The following PRR12 variants were observed in gnomAD, a reference collection of about 807,000 sequenced individuals.
The protein encoded by PRR12 is proline-rich protein 12.
In PRR12, 12 loss-of-function variants were observed where a neutral mutation model predicts 138.0. That is an observed-to-expected ratio of 0.09 (90% CI 0.06 to 0.14). The LOEUF (loss-of-function observed/expected upper bound fraction) is 0.14. PRR12 is among the 10% of genes least tolerant of loss of function. The pLI is 1.00. For missense variants in PRR12, 2,692 were observed against 2,861.3 expected (o/e 0.94, Z 1.35); for synonymous variants, 1,567 against 1,291.7 (o/e 1.21, Z -4.57).
At position 49,599,498 on chromosome 19, in the gene PRR12, G is replaced by T; in HGVS notation, c.3905G>T (p.Gly1302Val). The change falls in exon 5 of 14, where the codon GGC (glycine) becomes GTC (valine). Residue 1302 changes from glycine (G) to valine (V), a missense_variant. Coordinates refer to ENST00000418929, the MANE Select transcript of PRR12 (RefSeq NM_020719.3). This position sits in a 1 kb window ranked among gnomAD's most constrained non-coding sequence, Gnocchi z 5.0. ...GKRHPPLYQA[G>V]LTPPLSPPKS... is the part of the protein sequence containing the mutation. ...CGCCACCCACCACTCTACCAGGCGGGCCTGACGCCTCCGCTCAGCCCTCCC... is the reference window on the plus strand; with the variant it reads ...CGCCACCCACCACTCTACCAGGCGGTCCTGACGCCTCCGCTCAGCCCTCCC... The T allele has an allele frequency of 6.3e-7, 1 of 1,599,508 alleles. No individual in the cohort carries two copies. Among genetic ancestry groups the T allele is most frequent in the Non-Finnish European group, 8.5e-7 (1 of 1,173,732 alleles).
In PRR12 at chr19:49,601,900, G is replaced by A; in HGVS notation, c.4755G>A (p.Glu1585=). The A allele has an allele frequency of 1.2e-6, 2 of 1,612,004 alleles. No homozygotes were observed. The highest frequency in any genetic ancestry group is 8.5e-7 in the Non-Finnish European group (1 of 1,179,786). Residue 1585 remains glutamate (E), a synonymous_variant, in exon 6 of 14, where the codon GAG becomes GAA. Coordinates refer to ENST00000418929, the MANE Select transcript of PRR12 (RefSeq NM_020719.3). ...GGGACGAGTTCGTCATCCGTGCTGA[G>A]GACATCCCTTCCCTCAAGGTGAGTC... The part of the protein sequence containing the change: ...RERDEFVIRA[E]DIPSLKLALQ...
At chr19:49,620,227 G>T (rs1386203987) in intron 9 of PRR12, 125 bp from the exon 10 acceptor site, 18 of 1,304,190 alleles carry the variant, frequency 1.4e-5, no homozygotes, top group Admixed American at 8.5e-5. Flanking sequence ...ATCTTCCCTA[G>T]CGGACTTGGA....
At position 49,595,410 on chromosome 19, in the gene PRR12, T is replaced by A. The variant is rs1343951561; in HGVS notation, c.1075T>A (p.Ser359Thr). The A allele has an allele frequency of 6.5e-7, 1 of 1,544,332 alleles. No individual in the cohort carries two copies. The highest frequency in any genetic ancestry group is 2.0e-5 in the Admixed American group (1 of 50,656). Residue 359 changes from serine (S) to threonine (T), a missense_variant, in exon 4 of 14, where the codon TCT becomes ACT. Coordinates refer to ENST00000418929, the MANE Select transcript of PRR12 (RefSeq NM_020719.3). ...AGPSGATAGA[S>T]GRATGPEAAG... ...TCCCAGCGGAGCCACGGCTGGGGCA[T>A]CTGGCCGGGCCACGGGCCCTGAGGC... is the stretch of plus-strand genomic sequence containing the variant.
intron 11 of PRR12, among the ~76,000 whole-genome samples, chr19:49,624,548 G>A (rs111921494): frequency 1.8e-4 from 25 of 140,294 alleles, no homozygotes; most frequent in South Asian, 2.5e-4. Flanking sequence ...GATGGGGCTG[G>A]GAATTCTGGG....
Position 49,625,520 on chromosome 19 carries a change from C to T in PRR12, c.6024C>T (p.Cys2008=), listed in dbSNP as rs1304512587. Residue 2008 remains cysteine, a synonymous_variant, in exon 14 of 14, where the codon TGC becomes TGT. Coordinates refer to ENST00000418929, the MANE Select transcript of PRR12 (RefSeq NM_020719.3). The surrounding 1 kb of genome is among the most constrained non-coding windows in gnomAD (Gnocchi z 5.5). The part of the protein sequence containing the change: ...DLGQEEVVQQ[C]MRNQPWLEQL... ...GCCAGGAGGAGGTGGTCCAGCAGTG[C>T]ATGCGGAACCAGCCGTGGCTGGAAC... is the stretch of plus-strand genomic sequence containing the variant. 1.2e-6 allele frequency: 2 copies of T among 1,611,964 alleles called. No homozygotes were observed. The highest frequency in any genetic ancestry group is 3.3e-5 in the Admixed American group (2 of 59,850).
chr19:49,597,299 T>A lies in PRR12; in HGVS notation c.2964T>A (p.Asp988Glu). The A allele has an allele frequency of 6.4e-7, 1 of 1,559,866 alleles. No homozygotes were observed. The highest frequency in any genetic ancestry group is 8.7e-7 in the Non-Finnish European group (1 of 1,154,962). Residue 988 changes from aspartate to glutamate, a missense_variant, in exon 4 of 14, where the codon GAT (aspartate) becomes GAA (glutamate). By Grantham distance (45) the Asp-to-Glu change is conservative. Around this residue, in one of 11 missense-constraint regions of PRR12, gnomAD observed 840 missense variants for 689.8 expected, o/e 1.22. Transcript: ENST00000418929. The surrounding 1 kb of genome is among the most constrained non-coding windows in gnomAD (Gnocchi z 6.3). ...CACCCCCCGGCCCCCCTGCTTATGA[T>A]CCCTATGGGCCCTACTGTCCTGGCC... is the stretch of plus-strand genomic sequence containing the variant. ...AGPPPGPPAY[D>E]PYGPYCPGRA... is the part of the protein sequence containing the mutation.
chr19:49,601,526 C>G lies in PRR12; in HGVS notation c.4381C>G (p.Pro1461Ala), dbSNP rs1313208456. 2.6e-6 allele frequency: 4 copies of G among 1,535,436 alleles called. No homozygotes were observed. Among genetic ancestry groups the G allele is most frequent in the Non-Finnish European group, 3.5e-6 (4 of 1,135,084 alleles). The change falls in exon 6 of 14, where the codon CCA (proline) becomes GCA (alanine). Residue 1461 changes from proline to alanine, a missense_variant. By Grantham distance (27) the Pro-to-Ala change is conservative (BLOSUM62 -1). This residue lies in a region of PRR12 where 231 missense variants were observed against 200.8 expected (regional missense o/e 1.15). Coordinates refer to ENST00000418929, the MANE Select transcript of PRR12 (RefSeq NM_020719.3). ...GCTGGAGGAGAAACCCCCACCCACT[C>G]CACCTCCTGCCCCGACTCCTCAGCC... ...PLLEEKPPPT[P>A]PPAPTPQPQP...
chr19:49,621,810 TG>T (rs2080924993), intron 11 of PRR12, 188 bp downstream of exon 11: 1 of 589,452 alleles, frequency 1.7e-6, no homozygotes. Flanking sequence ...GAAGCCCATG[TG>T]GGGAGGAGCT....
rs779315499 is a variant in PRR12, at chr19:49,596,645, G to A, written c.2310G>A (p.Thr770=). 257 of 1,595,416 alleles carry A rather than the reference G, an allele frequency of 1.6e-4. No individual in the cohort carries two copies. Among genetic ancestry groups the A allele is most frequent in the Non-Finnish European group, 2.2e-4 (254 of 1,172,428 alleles). ...LQKSPPPPPP[T]AQSTQPTPHG... ...AGAGCCCTCCGCCCCCACCTCCCAC[G>A]GCCCAGTCTACCCAGCCCACTCCCC... The change falls in exon 4 of 14, where the codon ACG becomes ACA. Residue 770 remains threonine, a synonymous_variant. Transcript: ENST00000418929. The surrounding 1 kb of genome is among the most constrained non-coding windows in gnomAD (Gnocchi z 5.6).
chr19:49,600,799 A>C (rs1350176174), intron 5 of PRR12, among the ~76,000 whole-genome samples: 1 of 151,734 alleles, frequency 6.6e-6, no homozygotes, highest in Non-Finnish European at 1.5e-5. Flanking sequence ...CCTTCCGCTC[A>C]CCGCAACCTC....
Position 49,595,193 on chromosome 19 carries a change from C to G in PRR12, c.858C>G (p.Asp286Glu), listed in dbSNP as rs1321743959. 6.2e-7 allele frequency: 1 copy of G among 1,604,014 alleles called. No individual in the cohort carries two copies. Among genetic ancestry groups the G allele is most frequent in the South Asian group, 1.1e-5 (1 of 89,928 alleles). Residue 286 changes from aspartate to glutamate, a missense_variant, in exon 4 of 14, where the codon GAC (aspartate) becomes GAG (glutamate). Physicochemically the swap from Asp to Glu is conservative, Grantham distance 45. Around this residue, in one of 11 missense-constraint regions of PRR12, gnomAD observed 523 missense variants for 496.4 expected, o/e 1.05. Coordinates refer to ENST00000418929, the MANE Select transcript of PRR12 (RefSeq NM_020719.3). The stretch of plus-strand genomic sequence containing the variant: ...CTGAGCGGGCCCTGCCACGCCAGGA[C>G]ACGGTCATCAAGCACTACCAGCGGC... ...PPPERALPRQDTVIKHYQRPA... is the reference protein window; with the variant it reads ...PPPERALPRQETVIKHYQRPA...
At chr19:49,624,280 G>C (rs1370473675) in intron 11 of PRR12, among the ~76,000 whole-genome samples, 2 of 145,370 alleles carry the variant, frequency 1.4e-5, no homozygotes, top group African/African-American at 5.3e-5. Flanking sequence ...TTAGGATGGG[G>C]CTGAGAATTC....
rs748212159 is a variant in PRR12, at chr19:49,595,707, G to A, written c.1372G>A (p.Gly458Arg). Residue 458 changes from glycine to arginine, a missense_variant, in exon 4 of 14, where the codon GGG becomes AGG. Gly to Arg is a moderately radical substitution (Grantham distance 125, BLOSUM62 -2). Coordinates refer to ENST00000418929, the MANE Select transcript of PRR12 (RefSeq NM_020719.3). ...PQGLLGPQAY[G>R]QGFGGGQAQD... ...AGGGCTTCTGGGACCCCAGGCCTAC[G>A]GGCAAGGGTTTGGAGGGGGGCAGGC... 18 of 1,591,452 alleles carry A rather than the reference G, an allele frequency of 1.1e-5. No homozygotes were observed. Among genetic ancestry groups the A allele is most frequent in the African/African-American group, 5.4e-5 (4 of 74,258 alleles).
At chr19:49,615,434 C>G (rs12459840) in intron 8 of PRR12, among the ~76,000 whole-genome samples, 55,540 of 145,764 alleles carry the variant, frequency 0.38, 11,560 homozygotes, top group African/African-American at 0.57. Context: ...GACAGAGACC[C>G]AGAAAGAGGG....
intron 6 of PRR12, among the ~76,000 whole-genome samples, chr19:49,612,141 A>G (rs1359120831): frequency 1.3e-5 from 2 of 151,032 alleles, no homozygotes; most frequent in Non-Finnish European, 3.0e-5. Flanking sequence ...TGAGGCAGGA[A>G]ATCACTTGAA....
At chr19:49,611,053 G>A (rs2080863400) in intron 6 of PRR12, among the ~76,000 whole-genome samples, 1 of 151,658 alleles carries the variant, frequency 6.6e-6, no homozygotes, top group Non-Finnish European at 1.5e-5. Flanking sequence ...TGTTGGCCAA[G>A]CTGGTCTTGA....
intron 6 of PRR12, among the ~76,000 whole-genome samples, chr19:49,612,373 A>G (rs2080871351): frequency 6.6e-6 from 1 of 151,998 alleles, no homozygotes; most frequent in Admixed American, 6.6e-5. Context: ...GATATGAGTG[A>G]CATGATGAGA....
chr19:49,597,005 G>C lies in PRR12; in HGVS notation c.2670G>C (p.Leu890=). The change falls in exon 4 of 14, where the codon CTG becomes CTC. Residue 890 remains leucine (L), a synonymous_variant. Transcript: ENST00000418929. This position sits in a 1 kb window ranked among gnomAD's most constrained non-coding sequence, Gnocchi z 6.3. Reference sequence around the variant, plus strand: ...AATTGCTCGGGGCTCTGGAGCCGCTGCCCCCGGCGCCTGGGGATACTGGCG... The same window carrying C: ...AATTGCTCGGGGCTCTGGAGCCGCTCCCCCCGGCGCCTGGGGATACTGGCG... ...MQELLGALEP[L]PPAPGDTGVG... The C allele has an allele frequency of 6.4e-7, 1 of 1,557,330 alleles. No individual in the cohort carries two copies.
Position 49,594,412 on chromosome 19 carries a change from C to CTAG in PRR12, c.200-42_200-41insTAG. On this transcript the variant is annotated intron_variant, in intron 2 of 13. Transcript: ENST00000418929. The surrounding 1 kb of genome is among the most constrained non-coding windows in gnomAD (Gnocchi z 5.6). ...CCCTTTCTCTCTTGACTGTATCCTA[C>CTAG]CCACCCCCACCTGGCTGACTATAAC... is the stretch of plus-strand genomic sequence containing the variant. 6.7e-7 allele frequency: 1 copy of CTAG among 1,494,482 alleles called. No homozygotes were observed. The allele number at this position is 1,494,482 out of a possible 1,614,324, so 92.6% of individuals were successfully genotyped here.
Sources: gnomAD v4.1 joint callset for allele counts (sites outside exome capture counted in the v4.1 genomes callset) on GRCh38, gnomAD v4.1.1 for gene constraint, gnomAD v4.1.1 regional missense constraint, Gnocchi (gnomAD v3.1) non-coding constraint, MANE v1.5 for transcripts, NCBI Gene and HGNC (gene_info 2026-07-23, HGNC 2026-07-21) for gene names.